CDH18: variants seen among roughly 807,000 people sequenced by gnomAD.
CDH18 encodes the protein cadherin 18.
A neutral mutation model predicts 67.9 loss-of-function variants in CDH18; 31 were observed. The observed-to-expected ratio is 0.46, with a 90% confidence interval of 0.34 to 0.62. The LOEUF (loss-of-function observed/expected upper bound fraction) is 0.62. Ranked by LOEUF, CDH18 falls within the 20% of genes least tolerant of loss-of-function variation. The pLI, the probability that CDH18 is intolerant of heterozygous loss-of-function variation, is 0.01. For missense variants in CDH18, 890 were observed against 975.5 expected (o/e 0.91, Z 1.17); for synonymous variants, 362 against 347.2 (o/e 1.04, Z -0.48).
intron 2 of CDH18, among the ~76,000 whole-genome samples, chr5:20,248,769 A>G (rs1743580560): frequency 6.6e-6 from 1 of 152,190 alleles, no homozygotes; most frequent in Non-Finnish European, 1.5e-5. Flanking sequence ...ACTTAATATG[A>G]TTATTTTTGT....
At chr5:20,349,095 C>A (rs1740947639) in intron 1 of CDH18, among the ~76,000 whole-genome samples, 1 of 151,968 alleles carries the variant, frequency 6.6e-6, no homozygotes, top group Admixed American at 6.6e-5. Context: ...AAAGTTGATA[C>A]TTTTATAGAC....
intron 1 of CDH18, among the ~76,000 whole-genome samples, chr5:20,345,140 C>T (rs1740598755): frequency 1.3e-5 from 2 of 152,120 alleles, no homozygotes; most frequent in Non-Finnish European, 2.9e-5. Context: ...TACAGGGAGA[C>T]TTTCATTACC....
intron 3 of CDH18, among the ~76,000 whole-genome samples, chr5:19,768,890 C>A (rs1224655251): frequency 6.6e-6 from 1 of 151,822 alleles, no homozygotes; most frequent in African/African-American, 2.4e-5. Flanking sequence ...ACACAACTAA[C>A]ATATCTGAAA....
Position 20,281,820 on chromosome 5 carries a change from C to T in CDH18, c.-579-26315G>A, listed in dbSNP as rs569801065. 1.8e-3 allele frequency among the ~76,000 whole-genome samples: 272 copies of T among 152,224 alleles called. 2 individuals are homozygous for T. The highest frequency in any genetic ancestry group is 6.0e-3 in the African/African-American group (251 of 41,546). On this transcript the variant is annotated intron_variant, in intron 1 of 14. Coordinates refer to the CDH18 transcript ENST00000507958. ...ACCTTGGGCATTATGGCCATTTTCA[C>T]GATATTGATTCTTCCTACCCATGAG...
At chr5:19,749,077 T>C (rs866601415) in intron 3 of CDH18, among the ~76,000 whole-genome samples, 8 of 152,176 alleles carry the variant, frequency 5.3e-5, no homozygotes, top group African/African-American at 1.9e-4. Context: ...TGTGTTTATT[T>C]ATTTATGTCT....
intron 8 of CDH18, among the ~76,000 whole-genome samples, chr5:19,553,219 T>C (rs2127155760): frequency 6.6e-6 from 1 of 152,284 alleles, no homozygotes; most frequent in East Asian, 1.9e-4. Flanking sequence ...TTAGAAATGT[T>C]ATTTTTCATT....
At chr5:19,761,365 T>C (rs1283595003) in intron 3 of CDH18, among the ~76,000 whole-genome samples, 1 of 152,288 alleles carries the variant, frequency 6.6e-6, no homozygotes, top group East Asian at 1.9e-4. Flanking sequence ...TCTCCACATA[T>C]AGTCAAAGGT....
rs542599480 is a variant in CDH18 at position 20,446,120 on chromosome 5, A to T, written c.-580+129342T>A. ...CAAAATCGCAAGTAAATTTTATTAT[A>T]ATGAGCTTAGGGTAAAATGAACTTA... On this transcript the variant is annotated intron_variant, in intron 1 of 14. Coordinates refer to the CDH18 transcript ENST00000507958. Among the ~76,000 whole-genome samples the T allele has an allele frequency of 2.0e-5, 3 of 152,278 alleles. No homozygotes were observed. The East Asian group carries it at 5.8e-4, about 29-fold the overall frequency.
At chr5:20,121,180 T>A (rs1748324989) in intron 2 of CDH18, among the ~76,000 whole-genome samples, 1 of 152,170 alleles carries the variant, frequency 6.6e-6, no homozygotes, top group South Asian at 2.1e-4. Flanking sequence ...ATTTGCTGAA[T>A]GTTGTGTGAT....
chr5:19,695,553 C>T (rs898532718), intron 5 of CDH18, among the ~76,000 whole-genome samples: 1 of 152,032 alleles, frequency 6.6e-6, no homozygotes, highest in African/African-American at 2.4e-5. Context: ...TCAGTAATAA[C>T]AAATAGTCAT....
chr5:20,025,727 T>C (rs1487260330), intron 2 of CDH18, among the ~76,000 whole-genome samples: 1 of 152,236 alleles, frequency 6.6e-6, no homozygotes, highest in Non-Finnish European at 1.5e-5. Context: ...TAATCAGCTT[T>C]CTTGTCCAGA....
At chr5:20,323,278 C>G (rs1738209292) in intron 1 of CDH18, among the ~76,000 whole-genome samples, 1 of 152,134 alleles carries the variant, frequency 6.6e-6, no homozygotes, top group African/African-American at 2.4e-5. Context: ...TCCCTTGTCT[C>G]TAGGCCTAAA....
chr5:19,739,829 T>C (rs548477628), intron 4 of CDH18, among the ~76,000 whole-genome samples: 11 of 152,282 alleles, frequency 7.2e-5, no homozygotes, highest in African/African-American at 2.6e-4. Flanking sequence ...TCTTGGCAGA[T>C]GTCCAGGGTG....
At chr5:20,534,861 A>ATTTATTTATT (rs1756625009) in intron 1 of CDH18, among the ~76,000 whole-genome samples, 1 of 94,376 alleles carries the variant, frequency 1.1e-5, no homozygotes, top group African/African-American at 5.7e-5. Context: ...ATTTATTTAG[A>ATTTATTTATT]GTCAGGGTCT....
At chr5:19,535,706 T>C (rs1348069294) in intron 9 of CDH18, among the ~76,000 whole-genome samples, 3 of 152,166 alleles carry the variant, frequency 2.0e-5, no homozygotes, top group Non-Finnish European at 4.4e-5. Context: ...CATTGGTTTG[T>C]GGACTCTTAT....
chr5:19,986,222 A>G (rs1799539392), intron 1 of CDH18, among the ~76,000 whole-genome samples: 1 of 152,246 alleles, frequency 6.6e-6, no homozygotes, highest in Admixed American at 6.5e-5. Context: ...AATAATTTCC[A>G]GATTGCACAA....
chr5:20,528,316 T>C (rs1053578237), intron 1 of CDH18, among the ~76,000 whole-genome samples: 3 of 152,128 alleles, frequency 2.0e-5, no homozygotes, highest in Non-Finnish European at 1.5e-5. Flanking sequence ...GAGATTTTAA[T>C]ACCCCACTGT....
chr5:20,461,228 C>A (rs7718375), intron 1 of CDH18, among the ~76,000 whole-genome samples: 43,223 of 151,986 alleles, frequency 0.28, 6,418 homozygotes, highest in East Asian at 0.39. Context: ...CGTTGCTTCA[C>A]CCTTCTGGTT....
At chr5:20,005,593 CATACAT>C (rs1218087778) in intron 2 of CDH18, among the ~76,000 whole-genome samples, 1 of 151,766 alleles carries the variant, frequency 6.6e-6, no homozygotes, top group African/African-American at 2.4e-5. Context: ...TATACACACA[CATACAT>C]ATACATATAC....
Sources: gnomAD v4.1 joint callset for allele counts (sites outside exome capture counted in the v4.1 genomes callset) on GRCh38, gnomAD v4.1.1 for gene constraint, MANE v1.5 for transcripts, NCBI Gene and HGNC (gene_info 2026-07-23, HGNC 2026-07-21) for gene names.